The following CCDC122 variants were observed in gnomAD, a reference collection of about 807,000 sequenced individuals.
CCDC122 encodes coiled-coil domain containing 122.
Under a neutral mutation model 37.0 loss-of-function variants are expected in CCDC122, and 38 were observed. The ratio of observed to expected loss-of-function variants is 1.03; its 90% confidence interval spans 0.79 to 1.35. The LOEUF (loss-of-function observed/expected upper bound fraction) is 1.35, where lower values mean the gene tolerates loss of function less well. CCDC122 is among the 40% of genes most tolerant of loss of function. CCDC122 has a pLI of 0.00. For synonymous variants in CCDC122, 83 were observed against 95.6 expected (o/e 0.87, Z 0.77); for missense variants, 305 against 310.0 (o/e 0.98, Z 0.12).
chr13:43,862,883 C>CTTTAATCCA lies in CCDC122; in HGVS notation c.157-2822_157-2814dup, dbSNP rs149513665. Among the ~76,000 whole-genome samples, 1,505 of 152,148 alleles carry CTTTAATCCA rather than the reference C, an allele frequency of 9.9e-3. 7 individuals carry two copies. The highest frequency in any genetic ancestry group is 0.024 in the Middle Eastern group (7 of 294). ...TCTTATTGGCTTTAGTTTCTTTTGC[C>CTTTAATCCA]TTTAATCCATTTCTGCCCTTACATG... On this transcript the variant is annotated intron_variant, in intron 4 of 6. Coordinates refer to ENST00000444614, the MANE Select transcript of CCDC122 (RefSeq NM_144974.5).
chr13:43,839,233 G>C (rs1953266498), intron 6 of CCDC122, among the ~76,000 whole-genome samples: 2 of 152,178 alleles, frequency 1.3e-5, no homozygotes, highest in African/African-American at 4.8e-5. Flanking sequence ...CCCATTAGCA[G>C]TCATTCCCCA....
chr13:43,837,061 A>C lies in CCDC122; in HGVS notation c.*219T>G. On this transcript the variant is annotated 3_prime_UTR_variant, in exon 7 of 7. Transcript: ENST00000444614. ...AGACTCTTGCATTATTTTCCCGTAG[A>C]CATTCCTATTGTCTGTCTACTGCTA... is the stretch of plus-strand genomic sequence containing the variant. The C allele has an allele frequency of 2.1e-6, 1 of 482,386 alleles. No homozygotes were observed. 29.9% of individuals were successfully genotyped at this position (482,386 alleles called of 1,614,324 possible).
At chr13:43,823,512 C>T (rs1431720001), downstream of CCDC122, among the ~76,000 whole-genome samples, 4 of 152,166 alleles carry the variant, frequency 2.6e-5, no homozygotes, top group Admixed American at 2.6e-4. Flanking sequence ...CAGCACTAGG[C>T]GTTGCCTAGG....
At chr13:43,875,668 T>C (rs1954587294) in intron 1 of CCDC122, among the ~76,000 whole-genome samples, 1 of 152,180 alleles carries the variant, frequency 6.6e-6, no homozygotes, top group Admixed American at 6.5e-5. Context: ...ACTATAACAA[T>C]TGTCCCAAAT....
chr13:43,828,555 T>TACACACAC (rs56901535), intron 3 of CCDC122, among the ~76,000 whole-genome samples: 40 of 146,244 alleles, frequency 2.7e-4, no homozygotes, highest in South Asian at 4.5e-4. Context: ...TATAGACAGA[T>TACACACAC]ACACACACAC....
At chr13:43,823,149 G>A (rs1044230116), downstream of CCDC122, among the ~76,000 whole-genome samples, 3 of 152,058 alleles carry the variant, frequency 2.0e-5, no homozygotes, top group Admixed American at 2.0e-4. Context: ...TCCTTAGTCA[G>A]CAGGTGATGA....
chr13:43,846,428 C>A (rs1439182512), intron 6 of CCDC122, among the ~76,000 whole-genome samples: 1 of 152,184 alleles, frequency 6.6e-6, no homozygotes, highest in Non-Finnish European at 1.5e-5. Context: ...CCATTGTGCA[C>A]ATGTTGAAAA....
chr13:43,854,624 T>A (rs1267319649), intron 6 of CCDC122: 1 of 152,206 alleles, frequency 6.6e-6, no homozygotes, highest in Non-Finnish European at 1.5e-5. Context: ...TAACTCATTC[T>A]ATGAGGCCAG....
At chr13:43,823,983 C>T (rs975079924) in exon 4 of CCDC122, 1 of 152,186 alleles carries the variant, frequency 6.6e-6, no homozygotes, top group Non-Finnish European at 1.5e-5. Context: ...ATGAGTGGTG[C>T]AGGCTTCTAT....
At chr13:43,877,533 C>T (rs1465006565) in intron 1 of CCDC122, among the ~76,000 whole-genome samples, 4 of 152,102 alleles carry the variant, frequency 2.6e-5, no homozygotes, top group Non-Finnish European at 5.9e-5. Flanking sequence ...TATGAGAGGG[C>T]TTCTTCATAT....
In CCDC122 at chr13:43,864,321, A is replaced by G. The variant is rs185052096; in HGVS notation, c.157-4251T>C. On this transcript the variant is annotated intron_variant, in intron 4 of 6. Transcript: ENST00000444614. Reference sequence around the variant, plus strand: ...CAGTTATTGGTACAGAGCTCCTAAAACTCTTGTGTATTAGTCCATTCTGTG... The same window carrying G: ...CAGTTATTGGTACAGAGCTCCTAAAGCTCTTGTGTATTAGTCCATTCTGTG... 3.7e-3 allele frequency among the ~76,000 whole-genome samples: 562 copies of G among 152,182 alleles called. 3 individuals are homozygous for G. Among genetic ancestry groups the G allele is most frequent in the African/African-American group, 0.012 (507 of 41,500 alleles).
intron 3 of CCDC122, among the ~76,000 whole-genome samples, chr13:43,824,322 A>G (rs529214464): frequency 3.1e-4 from 47 of 152,340 alleles, no homozygotes; most frequent in Non-Finnish European, 5.6e-4. Flanking sequence ...GGATGTAACT[A>G]GCATGGTGAA....
At chr13:43,822,020 A>C (rs1952997011), downstream of CCDC122, among the ~76,000 whole-genome samples, 1 of 152,112 alleles carries the variant, frequency 6.6e-6, no homozygotes, top group Non-Finnish European at 1.5e-5. Context: ...TGGTGAGCTC[A>C]AGTTTTCCTG....
intron 4 of CCDC122, among the ~76,000 whole-genome samples, chr13:43,867,001 C>G (rs759001083): frequency 7.2e-5 from 11 of 152,028 alleles, no homozygotes; most frequent in Non-Finnish European, 1.6e-4. Context: ...TTTCTTTTTC[C>G]TGATCTTAGG....
chr13:43,820,720 A>T (rs575955868), downstream of CCDC122, among the ~76,000 whole-genome samples: 1 of 152,300 alleles, frequency 6.6e-6, no homozygotes, highest in South Asian at 2.1e-4. Flanking sequence ...TTAATCAAAG[A>T]GCTGATGAAG....
At chr13:43,863,405 T>A (rs1042306037) in intron 4 of CCDC122, among the ~76,000 whole-genome samples, 1 of 152,176 alleles carries the variant, frequency 6.6e-6, no homozygotes, top group Admixed American at 6.5e-5. Context: ...ACCATATTAG[T>A]TTATTAGTTC....
intron 1 of CCDC122, among the ~76,000 whole-genome samples, chr13:43,876,955 A>G (rs1029305533): frequency 6.6e-6 from 1 of 152,204 alleles, no homozygotes; most frequent in Non-Finnish European, 1.5e-5. Flanking sequence ...TACTAAAAAT[A>G]CAAAAATTAG....
chr13:43,830,013 T>C (rs1331405482), intron 3 of CCDC122, among the ~76,000 whole-genome samples: 1 of 151,964 alleles, frequency 6.6e-6, no homozygotes, highest in Non-Finnish European at 1.5e-5. Flanking sequence ...GTAGCTGGGA[T>C]TACAGGGACG....
intron 4 of CCDC122, among the ~76,000 whole-genome samples, chr13:43,861,226 C>T (rs1180019452): frequency 6.6e-6 from 1 of 152,118 alleles, no homozygotes; most frequent in Non-Finnish European, 1.5e-5. Flanking sequence ...ATAATAGATG[C>T]AGAAGAGTGA....
Sources: allele counts gnomAD v4.1 joint callset (sites outside exome capture counted in the v4.1 genomes callset), GRCh38; gene constraint gnomAD v4.1.1; transcripts MANE v1.5; gene names NCBI Gene and HGNC (gene_info 2026-07-23, HGNC 2026-07-21).